The following DNM3 variants were observed in gnomAD, a reference collection of about 807,000 sequenced individuals.
The protein encoded by DNM3 is dynamin-3.
Under a neutral mutation model 101.6 loss-of-function variants are expected in DNM3, and 47 were observed. That is an observed-to-expected ratio of 0.46 (90% CI 0.37 to 0.59). The LOEUF is 0.59. Ranked by LOEUF, DNM3 falls within the 20% of genes least tolerant of loss-of-function variation. The probability of loss-of-function intolerance (pLI) is 0.00; values close to 1 mark genes in which losing one functional copy is unlikely to be tolerated. For synonymous variants in DNM3, 385 were observed against 387.9 expected (o/e 0.99, Z 0.09); for missense variants, 849 against 1,085.7 (o/e 0.78, Z 3.06).
chr1:172,222,292 C>G (rs975411234), intron 14 of DNM3, among the ~76,000 whole-genome samples: 5 of 152,172 alleles, frequency 3.3e-5, no homozygotes. Context: ...CAAGCTCTTG[C>G]TTTTCTCCTG....
At chr1:172,315,284 A>C (rs1014766034) in intron 16 of DNM3, among the ~76,000 whole-genome samples, 3 of 152,210 alleles carry the variant, frequency 2.0e-5, no homozygotes, top group African/African-American at 4.8e-5. Flanking sequence ...AACCACAAAG[A>C]TGGGGAAAAA....
At chr1:172,361,521 C>T (rs540923899) in intron 17 of DNM3, among the ~76,000 whole-genome samples, 7 of 152,068 alleles carry the variant, frequency 4.6e-5, no homozygotes, top group African/African-American at 1.7e-4. Context: ...CTCTTTACTG[C>T]AGGGTTCTCA....
intron 16 of DNM3, among the ~76,000 whole-genome samples, chr1:172,312,106 G>C (rs1324888691): frequency 1.3e-5 from 2 of 152,164 alleles, no homozygotes; most frequent in Non-Finnish European, 2.9e-5. Flanking sequence ...TTTGGGGGAA[G>C]GAAATTATTT....
chr1:172,136,129 T>C (rs1300315694), intron 14 of DNM3, among the ~76,000 whole-genome samples: 2 of 152,152 alleles, frequency 1.3e-5, no homozygotes, highest in African/African-American at 4.8e-5. Flanking sequence ...AGGACATTCT[T>C]TGGACTCTTA....
intron 17 of DNM3, among the ~76,000 whole-genome samples, chr1:172,358,205 A>T (rs116052905): frequency 3.6e-3 from 548 of 152,182 alleles, no homozygotes; most frequent in African/African-American, 0.013. Context: ...AGAATAAAAA[A>T]TGAGAGGCTT....
At chr1:172,094,542 A>G (rs1391413603) in intron 13 of DNM3, among the ~76,000 whole-genome samples, 2 of 152,112 alleles carry the variant, frequency 1.3e-5, no homozygotes, top group Non-Finnish European at 2.9e-5. Context: ...CCTGGGACAC[A>G]TTGTGCCTGA....
intron 17 of DNM3, among the ~76,000 whole-genome samples, chr1:172,370,775 A>G (rs574837797): frequency 1.2e-3 from 188 of 152,044 alleles, no homozygotes; most frequent in African/African-American, 4.3e-3. Flanking sequence ...ATACCATATC[A>G]TTTATTTCTC....
chr1:172,100,111 TC>T (rs2054531903), intron 13 of DNM3, among the ~76,000 whole-genome samples: 1 of 152,192 alleles, frequency 6.6e-6, no homozygotes, highest in South Asian at 2.1e-4. Flanking sequence ...TTAGGGTACT[TC>T]TTAGTCTCAA....
At chr1:172,091,956 C>T (rs554099056) in intron 12 of DNM3, among the ~76,000 whole-genome samples, 3 of 152,062 alleles carry the variant, frequency 2.0e-5, no homozygotes, top group South Asian at 2.1e-4. Context: ...AGAAAGTAGT[C>T]GACAGCATTT....
At chr1:172,208,029 G>GA (rs968062658) in intron 14 of DNM3, among the ~76,000 whole-genome samples, 19 of 148,910 alleles carry the variant, frequency 1.3e-4, no homozygotes, top group Admixed American at 4.0e-4. Context: ...TGTAGAAAGT[G>GA]AAAAAAAAAA....
chr1:172,023,312 T>C (rs1340147017), intron 4 of DNM3, among the ~76,000 whole-genome samples: 1 of 152,156 alleles, frequency 6.6e-6, no homozygotes, highest in Non-Finnish European at 1.5e-5. Flanking sequence ...TTTGCTCCCT[T>C]GTTTTGTAGA....
intron 17 of DNM3, among the ~76,000 whole-genome samples, chr1:172,365,796 G>A (rs533124944): frequency 4.6e-5 from 7 of 152,006 alleles, no homozygotes; most frequent in South Asian, 4.1e-4. Flanking sequence ...GTAGATGAGC[G>A]CAAAGAGATG....
chr1:172,176,189 CAG>C (rs775942119), intron 14 of DNM3, among the ~76,000 whole-genome samples: 6 of 151,728 alleles, frequency 4.0e-5, no homozygotes, highest in African/African-American at 4.8e-5. Flanking sequence ...GCAGTAGATT[CAG>C]AGTTGAAGAG....
chr1:172,004,850 G>A (rs2046571727), intron 4 of DNM3, among the ~76,000 whole-genome samples: 1 of 151,992 alleles, frequency 6.6e-6, no homozygotes, highest in Non-Finnish European at 1.5e-5. Flanking sequence ...GTAATTTGGT[G>A]ACAATAAAGA....
chr1:171,952,963 C>T (rs1165609891), intron 2 of DNM3, among the ~76,000 whole-genome samples: 3 of 151,998 alleles, frequency 2.0e-5, no homozygotes, highest in East Asian at 1.9e-4. Flanking sequence ...TTTATTCTCT[C>T]AATTCAGAGA....
chr1:171,882,360 C>A (rs2036348428), intron 1 of DNM3, among the ~76,000 whole-genome samples: 4 of 100,150 alleles, frequency 4.0e-5, no homozygotes, highest in Non-Finnish European at 8.4e-5. Flanking sequence ...AAAAAAAAAG[C>A]CCTTTTGCAT....
chr1:172,173,573 C>T (rs1165918147), intron 14 of DNM3, among the ~76,000 whole-genome samples: 1 of 151,124 alleles, frequency 6.6e-6, no homozygotes, highest in African/African-American at 2.4e-5. Context: ...AAGCAATCCT[C>T]CCACTATAAC....
At chr1:172,232,722 G>A (rs2061386013) in intron 14 of DNM3, among the ~76,000 whole-genome samples, 3 of 152,160 alleles carry the variant, frequency 2.0e-5, no homozygotes, top group Non-Finnish European at 2.9e-5. Context: ...CTAGAACTCA[G>A]GATTAAGAAA....
downstream of DNM3, among the ~76,000 whole-genome samples, chr1:172,413,576 C>T (rs2071325095): frequency 6.6e-6 from 1 of 152,216 alleles, no homozygotes; most frequent in Non-Finnish European, 1.5e-5. Flanking sequence ...AAGAATGACA[C>T]AACTTTGTCC....
Sources: gnomAD v4.1 joint callset for allele counts (sites outside exome capture counted in the v4.1 genomes callset) on GRCh38, gnomAD v4.1.1 for gene constraint, MANE v1.5 for transcripts, NCBI Gene and HGNC (gene_info 2026-07-23, HGNC 2026-07-21) for gene names.